The following TAFA2 variants were observed in gnomAD, a reference collection of about 807,000 sequenced individuals.
TAFA2 encodes the protein TAFA chemokine like family member 2, also known as chemokine-like protein TAFA-2.
A neutral mutation model predicts 18.8 loss-of-function variants in TAFA2; 7 were observed. That is an observed-to-expected ratio of 0.37 (90% CI 0.21 to 0.70). The LOEUF (loss-of-function observed/expected upper bound fraction) is 0.70. TAFA2 is among the 30% of genes least tolerant of loss of function. The pLI, the probability that TAFA2 is intolerant of heterozygous loss-of-function variation, is 0.53. For synonymous variants in TAFA2, 60 were observed against 54.2 expected (o/e 1.11, Z -0.47); for missense variants, 122 against 158.1 (o/e 0.77, Z 1.23).
rs200640422 is a variant in TAFA2 at position 61,994,500 on chromosome 12, G to A, written c.-1-127074C>T. The stretch of plus-strand genomic sequence containing the variant: ...TCCAAAATATCCCACCTTAAGGTAG[G>A]AGGAAGACCTCATTTAATTCTGTTC... On this transcript the variant is annotated intron_variant, in intron 1 of 4. Coordinates refer to ENST00000416284, the MANE Select transcript of TAFA2 (RefSeq NM_178539.5). Among the ~76,000 whole-genome samples, 15 of 152,202 alleles carry A rather than the reference G, an allele frequency of 9.9e-5. No individual in the cohort carries two copies. In the East Asian group the frequency reaches 2.7e-3, roughly 27 times the overall value.
intron 1 of TAFA2, among the ~76,000 whole-genome samples, chr12:61,909,816 G>A (rs1289000296): frequency 6.6e-6 from 1 of 152,122 alleles, no homozygotes; most frequent in African/African-American, 2.4e-5. Flanking sequence ...GTTTTAAAGA[G>A]AGTGATCAAA....
chr12:61,815,132 T>C (rs1872025421), intron 2 of TAFA2, among the ~76,000 whole-genome samples: 1 of 151,404 alleles, frequency 6.6e-6, no homozygotes, highest in Non-Finnish European at 1.5e-5. Context: ...AGTAGAGTAG[T>C]CATGGCAGAA....
At chr12:62,025,561 T>G (rs1881285298) in intron 1 of TAFA2, among the ~76,000 whole-genome samples, 1 of 152,170 alleles carries the variant, frequency 6.6e-6, no homozygotes, top group African/African-American at 2.4e-5. Flanking sequence ...TGTACTTAAA[T>G]GAAACAGTTT....
chr12:61,937,653 A>G lies in TAFA2; in HGVS notation c.-1-70227T>C, dbSNP rs143144348. On this transcript the variant is annotated intron_variant, in intron 1 of 4. Coordinates refer to ENST00000416284, the MANE Select transcript of TAFA2 (RefSeq NM_178539.5). Reference sequence around the variant, plus strand: ...TATCTTTCACCTTATACAAAAATCAACTGAAGATGGAGCAAAGACTTAAAT... The same window carrying G: ...TATCTTTCACCTTATACAAAAATCAGCTGAAGATGGAGCAAAGACTTAAAT... Among the ~76,000 whole-genome samples the G allele has an allele frequency of 2.0e-5, 3 of 152,324 alleles. No homozygotes were observed. The East Asian group carries it at 5.8e-4, about 29-fold the overall frequency.
intron 2 of TAFA2, among the ~76,000 whole-genome samples, chr12:61,790,638 C>T (rs918716106): frequency 6.6e-6 from 1 of 151,484 alleles, no homozygotes; most frequent in African/African-American, 2.4e-5. Flanking sequence ...AGCAAGATAC[C>T]TAGGAGTAAA....
intron 1 of TAFA2, among the ~76,000 whole-genome samples, chr12:61,871,889 G>A (rs1197729249): frequency 2.0e-5 from 3 of 152,038 alleles, no homozygotes; most frequent in South Asian, 2.1e-4. Flanking sequence ...TCAGGAGATC[G>A]AGACCATCCT....
At chr12:61,888,661 A>G (rs898384509) in intron 1 of TAFA2, among the ~76,000 whole-genome samples, 2 of 151,892 alleles carry the variant, frequency 1.3e-5, no homozygotes, top group African/African-American at 4.8e-5. Flanking sequence ...TACTTTTTGA[A>G]TAAAAATTAG....
chr12:61,929,049 T>A (rs190989595), intron 1 of TAFA2, among the ~76,000 whole-genome samples: 7 of 151,892 alleles, frequency 4.6e-5, no homozygotes, highest in Middle Eastern at 3.4e-3. Flanking sequence ...AGGAGAAATA[T>A]CTAATGTAAA....
chr12:61,733,370 T>C (rs950772191), intron 4 of TAFA2, among the ~76,000 whole-genome samples: 3 of 152,168 alleles, frequency 2.0e-5, no homozygotes, highest in Non-Finnish European at 4.4e-5. Context: ...TGAATGGTAA[T>C]GCCCAGGTTT....
intron 1 of TAFA2, among the ~76,000 whole-genome samples, chr12:62,247,010 C>A (rs1043656089): frequency 1.3e-5 from 2 of 151,820 alleles, no homozygotes; most frequent in Non-Finnish European, 2.9e-5. Flanking sequence ...ATATATTTGG[C>A]CTTATTTCTA....
At chr12:61,791,609 A>G (rs1266788613) in intron 2 of TAFA2, among the ~76,000 whole-genome samples, 1 of 151,802 alleles carries the variant, frequency 6.6e-6, no homozygotes, top group African/African-American at 2.4e-5. Context: ...GACCAAAAGT[A>G]CATGAAAAAT....
At chr12:62,259,529 TTC>T (rs2062972918), upstream of TAFA2, 1 of 152,278 alleles carries the variant, frequency 6.6e-6, no homozygotes, top group Non-Finnish European at 1.5e-5. Context: ...CGACTCGATT[TTC>T]TATTTTGTAA....
chr12:61,737,925 C>A (rs1371395055), intron 4 of TAFA2, among the ~76,000 whole-genome samples: 1 of 151,838 alleles, frequency 6.6e-6, no homozygotes, highest in Non-Finnish European at 1.5e-5. Flanking sequence ...AGAGTCAAGA[C>A]AAATTATAAA....
chr12:62,058,924 A>T (rs1882262697), intron 1 of TAFA2, among the ~76,000 whole-genome samples: 1 of 152,140 alleles, frequency 6.6e-6, no homozygotes, highest in Admixed American at 6.5e-5. Flanking sequence ...TAACACGGTG[A>T]AACCCCGTCT....
chr12:62,187,214 G>A (rs1245648600), intron 1 of TAFA2, among the ~76,000 whole-genome samples: 1 of 152,100 alleles, frequency 6.6e-6, no homozygotes, highest in Non-Finnish European at 1.5e-5. Context: ...TCTCCGCATT[G>A]AGGACAAAAA....
At position 62,115,509 on chromosome 12, in the gene TAFA2, T is replaced by C. The variant is rs571104513; in HGVS notation, c.-2+75750A>G. Among the ~76,000 whole-genome samples, 4 of 152,316 alleles carry C rather than the reference T, an allele frequency of 2.6e-5. No individual in the cohort carries two copies. The South Asian group carries it at 6.2e-4, about 24-fold the overall frequency. On this transcript the variant is annotated intron_variant, in intron 1 of 4. Transcript: ENST00000416284. ...AAAATATACGGAATATAGAGTGTCA[T>C]GTCCAAATCACAGTCTGTAAGCTCA...
intron 2 of TAFA2, among the ~76,000 whole-genome samples, chr12:61,800,072 C>T (rs1565638258): frequency 6.6e-6 from 1 of 151,860 alleles, no homozygotes; most frequent in Non-Finnish European, 1.5e-5. Context: ...TAATAACTAA[C>T]AAGATATTAT....
chr12:61,879,560 A>G lies in TAFA2; in HGVS notation c.-1-12134T>C, dbSNP rs7307983. 12,567 of 736,636 alleles carry G rather than the reference A, an allele frequency of 0.017. 1,008 individuals are homozygous for G. In the African/African-American group the frequency reaches 0.18, roughly 11 times the overall value. The allele number at this position is 736,636 out of a possible 1,614,324, so 45.6% of individuals were successfully genotyped here. A position where few individuals can be genotyped will look rare whatever the true frequency, so the allele number is the denominator to read the frequency against. On this transcript the variant is annotated intron_variant, in intron 1 of 4. Transcript: ENST00000416284. ...CTGAGGCCCCTTAACCTGGAGGTGG[A>G]CCCCAACATCCAGGCCAGGTTCTGC...
intron 1 of TAFA2, among the ~76,000 whole-genome samples, chr12:62,200,838 T>C (rs1294532238): frequency 3.3e-5 from 5 of 152,296 alleles, no homozygotes; most frequent in Non-Finnish European, 5.9e-5. Flanking sequence ...CTAAATTACT[T>C]TGGGCGGTAT....
Sources: gnomAD v4.1 joint callset for allele counts (sites outside exome capture counted in the v4.1 genomes callset) on GRCh38, gnomAD v4.1.1 for gene constraint, MANE v1.5 for transcripts, NCBI Gene and HGNC (gene_info 2026-07-23, HGNC 2026-07-21) for gene names.